CEP112: variants seen among roughly 807,000 people sequenced by gnomAD.
CEP112 encodes the protein centrosomal protein of 112 kDa.
CEP112 carries 127 observed loss-of-function variants against 153.0 expected under a neutral mutation model. The observed-to-expected ratio is 0.83, with a 90% CI of 0.72 to 0.96. The LOEUF is 0.96. Ranked by LOEUF, CEP112 falls within the 40% of genes least tolerant of loss-of-function variation. CEP112 has a pLI of 0.00. For synonymous variants in CEP112, 358 were observed against 374.4 expected (o/e 0.96, Z 0.51); for missense variants, 1,089 against 1,101.2 (o/e 0.99, Z 0.16).
chr17:65,765,495 T>C (rs908134752), intron 21 of CEP112, among the ~76,000 whole-genome samples: 1 of 152,090 alleles, frequency 6.6e-6, no homozygotes, highest in Non-Finnish European at 1.5e-5. Context: ...ACAATATTCA[T>C]GACGAGAACC....
chr17:65,985,361 T>G (rs2063368813), intron 17 of CEP112, among the ~76,000 whole-genome samples: 1 of 152,098 alleles, frequency 6.6e-6, no homozygotes, highest in South Asian at 2.1e-4. Flanking sequence ...GGCAAGAGTT[T>G]AAAAGAAGAA....
chr17:65,819,334 A>G (rs1435441433), intron 21 of CEP112, among the ~76,000 whole-genome samples: 2 of 151,852 alleles, frequency 1.3e-5, no homozygotes, highest in Admixed American at 6.6e-5. Context: ...TCTCCTAATG[A>G]TATGAAACAA....
intron 11 of CEP112, among the ~76,000 whole-genome samples, chr17:66,058,240 C>T (rs936245459): frequency 1.3e-5 from 2 of 152,072 alleles, no homozygotes; most frequent in African/African-American, 4.8e-5. Context: ...AAATACCTGA[C>T]AATTTAAACT....
At chr17:65,947,449 A>C (rs574557062) in intron 18 of CEP112, among the ~76,000 whole-genome samples, 1 of 152,276 alleles carries the variant, frequency 6.6e-6, no homozygotes, top group Admixed American at 6.5e-5. Context: ...TGTATTAAAA[A>C]ATAACAATGT....
intron 4 of CEP112, among the ~76,000 whole-genome samples, chr17:66,165,464 G>A (rs9911039): frequency 1.3e-5 from 2 of 152,132 alleles, no homozygotes; most frequent in Non-Finnish European, 2.9e-5. Flanking sequence ...TAAAATGAAT[G>A]TACTTTTGGC....
At chr17:65,813,101 G>A (rs2056075997) in intron 21 of CEP112, among the ~76,000 whole-genome samples, 1 of 152,174 alleles carries the variant, frequency 6.6e-6, no homozygotes, top group African/African-American at 2.4e-5. Flanking sequence ...AGGGCATGAT[G>A]GGAAGATTAC....
At chr17:65,866,638 G>A (rs1010382218) in intron 20 of CEP112, among the ~76,000 whole-genome samples, 27 of 152,074 alleles carry the variant, frequency 1.8e-4, no homozygotes, top group Admixed American at 3.9e-4. Context: ...AAAAAGCCCC[G>A]GACCCAGCCA....
intron 24 of CEP112, among the ~76,000 whole-genome samples, chr17:65,677,634 T>C (rs1048985301): frequency 6.6e-6 from 1 of 152,154 alleles, no homozygotes; most frequent in Admixed American, 6.5e-5. Context: ...CTACTTCGGC[T>C]GGGTGTGGTG....
chr17:65,740,249 A>G (rs1419184282), intron 23 of CEP112, among the ~76,000 whole-genome samples: 1 of 152,202 alleles, frequency 6.6e-6, no homozygotes, highest in Non-Finnish European at 1.5e-5. Context: ...GAAAGGATAT[A>G]GAGAATGCTG....
intron 17 of CEP112, among the ~76,000 whole-genome samples, chr17:65,962,683 T>C (rs886966183): frequency 1.3e-5 from 2 of 151,918 alleles, no homozygotes; most frequent in African/African-American, 4.8e-5. Context: ...CAGTGGGAGA[T>C]AACTGAATCA....
intron 4 of CEP112, among the ~76,000 whole-genome samples, chr17:66,147,497 GTAGA>G (rs140104833): frequency 1.8e-3 from 279 of 151,774 alleles, no homozygotes; most frequent in African/African-American, 3.6e-3. Flanking sequence ...TAATTTTGAT[GTAGA>G]TAGTTTTTAA....
intron 17 of CEP112, among the ~76,000 whole-genome samples, chr17:66,000,114 G>A (rs1181137727): frequency 6.6e-6 from 1 of 152,054 alleles, no homozygotes; most frequent in East Asian, 1.9e-4. Flanking sequence ...GGGTCGAATG[G>A]TACTTCTGCT....
chr17:65,836,395 A>G (rs1481554172), intron 21 of CEP112, among the ~76,000 whole-genome samples: 1 of 152,212 alleles, frequency 6.6e-6, no homozygotes, highest in Admixed American at 6.5e-5. Context: ...GTCTTCAAGA[A>G]ACTCACTTCA....
At chr17:66,140,805 T>A in intron 4 of CEP112, among the ~76,000 whole-genome samples, 1 of 149,974 alleles carries the variant, frequency 6.7e-6, no homozygotes, top group African/African-American at 2.4e-5. Flanking sequence ...GCCTGGCTAA[T>A]TTTTTTTTTA....
chr17:65,732,845 G>A (rs2050586952), intron 23 of CEP112, among the ~76,000 whole-genome samples: 4 of 152,220 alleles, frequency 2.6e-5, no homozygotes. Flanking sequence ...CTTAAGGAAA[G>A]GTTGTGGTTA....
At chr17:65,985,912 T>C (rs1477074736) in intron 17 of CEP112, among the ~76,000 whole-genome samples, 4 of 152,058 alleles carry the variant, frequency 2.6e-5, no homozygotes, top group Non-Finnish European at 4.4e-5. Flanking sequence ...ATTTAGAGTT[T>C]AGGCCTACAA....
At chr17:66,089,024 A>G (rs1343793256) in intron 8 of CEP112, among the ~76,000 whole-genome samples, 1 of 152,062 alleles carries the variant, frequency 6.6e-6, no homozygotes, top group Non-Finnish European at 1.5e-5. Context: ...GCTCACTCCC[A>G]TGGACCAAAG....
intron 20 of CEP112, among the ~76,000 whole-genome samples, chr17:65,883,130 C>T (rs1352628875): frequency 6.6e-6 from 1 of 151,900 alleles, no homozygotes; most frequent in Non-Finnish European, 1.5e-5. Context: ...AATAAATCTG[C>T]AATTTAAATG....
intron 24 of CEP112, among the ~76,000 whole-genome samples, chr17:65,669,743 A>T (rs1196757028): frequency 6.6e-6 from 1 of 152,070 alleles, no homozygotes; most frequent in Non-Finnish European, 1.5e-5. Flanking sequence ...CTCTACTAAA[A>T]ATACAAAAAA....
Sources: allele counts gnomAD v4.1 joint callset (sites outside exome capture counted in the v4.1 genomes callset), GRCh38; gene constraint gnomAD v4.1.1; transcripts MANE v1.5; gene names NCBI Gene and HGNC (gene_info 2026-07-23, HGNC 2026-07-21).